AFG2A: variants seen among roughly 807,000 people sequenced by gnomAD.
The protein encoded by AFG2A is AAA ATPase AFG2A.
At chr4:123,289,975 A>C in the AFG2A span, among the ~76,000 whole-genome samples, 1 of 152,054 alleles carries the variant, frequency 6.6e-6, no homozygotes, top group Non-Finnish European at 1.5e-5. Context: ...TATTAAACCC[A>C]GTATGCATTC....
At chr4:123,066,512 T>C in the AFG2A span, among the ~76,000 whole-genome samples, 1 of 152,160 alleles carries the variant, frequency 6.6e-6, no homozygotes, top group Non-Finnish European at 1.5e-5. Flanking sequence ...TGTCTTCTGA[T>C]TTAATGCTCT....
the AFG2A span, among the ~76,000 whole-genome samples, chr4:123,168,870 G>T: frequency 1.3e-5 from 2 of 152,288 alleles, no homozygotes; most frequent in Non-Finnish European, 2.9e-5. Context: ...CTAATTGTAG[G>T]TTATTGAGAT....
At chr4:122,980,570 A>G in the AFG2A span, among the ~76,000 whole-genome samples, 4 of 152,272 alleles carry the variant, frequency 2.6e-5, no homozygotes, top group South Asian at 2.1e-4. Context: ...AGGAACCACC[A>G]TACCATTTTT....
chr4:123,020,250 G>A, the AFG2A span, among the ~76,000 whole-genome samples: 5 of 151,970 alleles, frequency 3.3e-5, no homozygotes, highest in South Asian at 1.0e-3. Flanking sequence ...TAAAAGTAAT[G>A]CAGTTTCACT....
chr4:123,200,907 C>T, the AFG2A span, among the ~76,000 whole-genome samples: 3,151 of 152,260 alleles, frequency 0.021, 102 homozygotes, highest in African/African-American at 0.072. Context: ...TTTTTTGTGG[C>T]AAATGCTCTA....
the AFG2A span, among the ~76,000 whole-genome samples, chr4:123,149,200 A>G: frequency 1.3e-5 from 2 of 152,208 alleles, no homozygotes; most frequent in African/African-American, 4.8e-5. Flanking sequence ...TCAGGTGACT[A>G]AAGTGAGATG....
chr4:123,288,664 T>A, the AFG2A span, among the ~76,000 whole-genome samples: 1 of 152,200 alleles, frequency 6.6e-6, no homozygotes, highest in Non-Finnish European at 1.5e-5. Flanking sequence ...ACCTTTCTTC[T>A]AGAACATTGA....
the AFG2A span, among the ~76,000 whole-genome samples, chr4:123,169,036 G>A: frequency 3.3e-5 from 5 of 152,154 alleles, no homozygotes; most frequent in Admixed American, 2.0e-4. Context: ...CCAGTGATGC[G>A]AATAGAAACT....
chr4:123,016,697 G>A, the AFG2A span, among the ~76,000 whole-genome samples: 2 of 151,284 alleles, frequency 1.3e-5, no homozygotes, highest in East Asian at 4.0e-4. Context: ...AGGCAGAGAC[G>A]CTCCTCACTT....
chr4:122,947,440 G>A, the AFG2A span: 1 of 1,614,076 alleles, frequency 6.2e-7, no homozygotes, highest in South Asian at 1.1e-5. Context: ...GGCAAATAGT[G>A]CTCATGGATA....
At chr4:123,298,356 C>T in the AFG2A span, among the ~76,000 whole-genome samples, 45 of 152,178 alleles carry the variant, frequency 3.0e-4, no homozygotes, top group Non-Finnish European at 5.4e-4. Flanking sequence ...TTCATCGAGA[C>T]GGAATCCCGA....
chr4:122,927,638 T>A, the AFG2A span: 1 of 1,605,912 alleles, frequency 6.2e-7, no homozygotes, highest in Non-Finnish European at 8.5e-7. Context: ...TCATAGTAGA[T>A]GACAAAATTC....
the AFG2A span, among the ~76,000 whole-genome samples, chr4:122,964,302 G>A: frequency 1.6e-3 from 243 of 152,048 alleles, 2 homozygotes; most frequent in African/African-American, 5.6e-3. Flanking sequence ...TCAGGAGTTC[G>A]AGACCAGTGT....
the AFG2A span, chr4:122,935,759 C>T: frequency 3.7e-6 from 6 of 1,612,210 alleles, no homozygotes; most frequent in Admixed American, 5.0e-5. Flanking sequence ...CCTCCAGGTA[C>T]TGGAAAAACA....
the AFG2A span, among the ~76,000 whole-genome samples, chr4:122,975,564 G>A: frequency 1.2e-3 from 176 of 152,246 alleles, 2 homozygotes; most frequent in Middle Eastern, 0.044. Flanking sequence ...TAGAGTAGCA[G>A]CATTTGCACC....
the AFG2A span, among the ~76,000 whole-genome samples, chr4:123,140,797 C>T: frequency 6.6e-6 from 1 of 151,950 alleles, no homozygotes; most frequent in Non-Finnish European, 1.5e-5. Context: ...CATTTAAGTT[C>T]ACTAAAGTAA....
At chr4:123,240,948 G>A in the AFG2A span, among the ~76,000 whole-genome samples, 4 of 151,994 alleles carry the variant, frequency 2.6e-5, no homozygotes, top group Non-Finnish European at 4.4e-5. Context: ...TGATAAAGGG[G>A]ATATCACCAC....
At chr4:122,938,069 A>G in the AFG2A span, 1 of 1,458,980 alleles carries the variant, frequency 6.9e-7, no homozygotes, top group Non-Finnish European at 9.1e-7. Flanking sequence ...ATTAAAACTA[A>G]GTAAAACTTA....
the AFG2A span, among the ~76,000 whole-genome samples, chr4:123,072,514 A>G: frequency 1.3e-5 from 2 of 152,208 alleles, no homozygotes; most frequent in Non-Finnish European, 2.9e-5. Flanking sequence ...GGAATCAGAG[A>G]TCTTTTGAGG....
Sources: allele counts gnomAD v4.1 joint callset (sites outside exome capture counted in the v4.1 genomes callset), GRCh38; gene constraint gnomAD v4.1.1; transcripts MANE v1.5; gene names NCBI Gene and HGNC (gene_info 2026-07-23, HGNC 2026-07-21).